Variants in KHDRBS2 observed in about 807,000 individuals in gnomAD.
The protein encoded by KHDRBS2 is KH RNA binding domain containing, signal transduction associated 2.
A neutral mutation model predicts 44.3 loss-of-function variants in KHDRBS2; 26 were observed. That is an observed-to-expected ratio of 0.59 (90% CI 0.43 to 0.81). KHDRBS2 has a LOEUF of 0.81. Ranked by LOEUF, KHDRBS2 falls within the 40% of genes least tolerant of loss-of-function variation. The pLI is 0.00. For synonymous variants in KHDRBS2, 194 were observed against 151.1 expected, an observed-to-expected ratio of 1.28 and a Z score of -2.08; for missense variants, 476 against 433.1, an observed-to-expected ratio of 1.10 and a Z score of -0.88.
At chr6:61,781,031 A>G (rs977528187) in intron 6 of KHDRBS2, among the ~76,000 whole-genome samples, 17 of 152,220 alleles carry the variant, frequency 1.1e-4, no homozygotes, top group African/African-American at 3.1e-4. Context: ...TTAAAGTGAC[A>G]ATTATGTAAG....
At chr6:61,573,496 A>G in the KHDRBS2 span, among the ~76,000 whole-genome samples, 1 of 152,190 alleles carries the variant, frequency 6.6e-6, no homozygotes, top group African/African-American at 2.4e-5. Context: ...ATATGGAACC[A>G]TAAAAGAGCC....
In KHDRBS2 at chr6:62,166,106, G is replaced by A. The variant is rs146985975; in HGVS notation, c.219+11079C>T. ...TTTTATTTAGCATAATGTGTTCAATGTTCATCTATGTCGTAGAATGTAATA... is the reference window on the plus strand; with the variant it reads ...TTTTATTTAGCATAATGTGTTCAATATTCATCTATGTCGTAGAATGTAATA... On this transcript the variant is annotated intron_variant, in intron 2 of 8. Transcript: ENST00000281156. Among the ~76,000 whole-genome samples, 1,010 of 152,012 alleles carry A rather than the reference G, an allele frequency of 6.6e-3. 5 individuals carry two copies. The highest frequency in any genetic ancestry group is 0.01 in the Non-Finnish European group (713 of 67,926).
intron 4 of KHDRBS2, among the ~76,000 whole-genome samples, chr6:61,951,738 G>A (rs1764791670): frequency 6.6e-6 from 1 of 152,044 alleles, no homozygotes; most frequent in African/African-American, 2.4e-5. Flanking sequence ...GCCATAAAGT[G>A]ACCTTGACAG....
chr6:62,008,629 T>C (rs1291257745), intron 3 of KHDRBS2, among the ~76,000 whole-genome samples: 1 of 152,168 alleles, frequency 6.6e-6, no homozygotes, highest in East Asian at 1.9e-4. Context: ...ATCTCATCTT[T>C]TAGCTCCCAT....
the KHDRBS2 span, among the ~76,000 whole-genome samples, chr6:61,603,267 C>T: frequency 2.0e-5 from 3 of 152,162 alleles, no homozygotes; most frequent in African/African-American, 7.2e-5. Context: ...ATTGTCTTGC[C>T]TATCCACCAC....
intron 3 of KHDRBS2, among the ~76,000 whole-genome samples, chr6:61,993,814 A>C (rs1776648013): frequency 6.6e-6 from 1 of 151,722 alleles, no homozygotes; most frequent in Non-Finnish European, 1.5e-5. Context: ...TCACCTATGA[A>C]GTTATTTAAA....
At position 62,139,210 on chromosome 6, in the gene KHDRBS2, T is replaced by C. The variant is rs555787014; in HGVS notation, c.219+37975A>G. Reference sequence around the variant, plus strand: ...ATGGAAAGACAAGAGAATAAATATATATATTACTTTGCAAAAAGAACTATT... The same window carrying C: ...ATGGAAAGACAAGAGAATAAATATACATATTACTTTGCAAAAAGAACTATT... On this transcript the variant is annotated intron_variant, in intron 2 of 8. Transcript: ENST00000281156. 1.3e-4 allele frequency among the ~76,000 whole-genome samples: 20 copies of C among 152,238 alleles called. No homozygotes were observed. The South Asian group carries it at 4.1e-3, about 32-fold the overall frequency.
At chr6:61,570,016 G>A in the KHDRBS2 span, among the ~76,000 whole-genome samples, 1 of 151,994 alleles carries the variant, frequency 6.6e-6, no homozygotes. Context: ...ACAAAACAGG[G>A]TTTTATAGCA....
the KHDRBS2 span, among the ~76,000 whole-genome samples, chr6:61,592,493 C>T: frequency 6.6e-6 from 1 of 152,034 alleles, no homozygotes; most frequent in Non-Finnish European, 1.5e-5. Context: ...GTTCATCTTT[C>T]CTAGATCTCG....
chr6:61,755,817 A>T (rs1562102085), intron 6 of KHDRBS2, among the ~76,000 whole-genome samples: 1 of 151,652 alleles, frequency 6.6e-6, no homozygotes, highest in African/African-American at 2.4e-5. Flanking sequence ...AAAAAAAAAA[A>T]TCATTGGATT....
chr6:62,081,258 A>T (rs1215219358), intron 2 of KHDRBS2, among the ~76,000 whole-genome samples: 1 of 152,192 alleles, frequency 6.6e-6, no homozygotes, highest in Admixed American at 6.5e-5. Flanking sequence ...CGGAAAATGA[A>T]TATAATAATG....
intron 3 of KHDRBS2, among the ~76,000 whole-genome samples, chr6:62,021,729 G>C (rs1347479632): frequency 1.3e-5 from 2 of 151,414 alleles, no homozygotes; most frequent in Non-Finnish European, 3.0e-5. Flanking sequence ...TTGAAATTTG[G>C]ATTTCTGAAT....
intron 4 of KHDRBS2, among the ~76,000 whole-genome samples, chr6:61,961,420 AAGAG>A (rs886704994): frequency 7.4e-5 from 11 of 149,508 alleles, no homozygotes; most frequent in African/African-American, 2.4e-4. Flanking sequence ...AGAAAGAAGG[AAGAG>A]AGAGAGAGAA....
At chr6:61,594,965 C>G in the KHDRBS2 span, among the ~76,000 whole-genome samples, 89,758 of 151,796 alleles carry the variant, frequency 0.59, 26,743 homozygotes, top group Non-Finnish European at 0.61. Flanking sequence ...AAAATCTTCA[C>G]CAAGAGAAGA....
At chr6:62,043,923 T>G (rs1277450848) in intron 3 of KHDRBS2, among the ~76,000 whole-genome samples, 5 of 152,088 alleles carry the variant, frequency 3.3e-5, no homozygotes, top group African/African-American at 1.2e-4. Flanking sequence ...TCCGAATGAC[T>G]GTTATTTTCT....
chr6:62,207,949 A>C (rs1367128671), intron 1 of KHDRBS2, among the ~76,000 whole-genome samples: 1 of 152,048 alleles, frequency 6.6e-6, no homozygotes, highest in Non-Finnish European at 1.5e-5. Flanking sequence ...CTCTAATACA[A>C]TTTTATTAGC....
intron 4 of KHDRBS2, among the ~76,000 whole-genome samples, chr6:61,939,857 A>T (rs941693743): frequency 4.6e-5 from 7 of 152,166 alleles, no homozygotes; most frequent in Non-Finnish European, 8.8e-5. Flanking sequence ...ATTTCCTATC[A>T]ATCAATTCAG....
intron 6 of KHDRBS2, among the ~76,000 whole-genome samples, chr6:61,738,193 G>T (rs185580935): frequency 4.7e-4 from 72 of 151,992 alleles, no homozygotes; most frequent in African/African-American, 1.7e-3. Flanking sequence ...TCCCAACGCA[G>T]AATTTCCTCA....
intron 1 of KHDRBS2, among the ~76,000 whole-genome samples, chr6:62,178,612 G>A (rs1341340849): frequency 5.9e-5 from 9 of 151,512 alleles, no homozygotes; most frequent in Non-Finnish European, 1.2e-4. Flanking sequence ...GGAATGAGAC[G>A]TTAAAAGACT....
Sources: allele counts gnomAD v4.1 joint callset (sites outside exome capture counted in the v4.1 genomes callset), GRCh38; gene constraint gnomAD v4.1.1; transcripts MANE v1.5; gene names NCBI Gene and HGNC (gene_info 2026-07-23, HGNC 2026-07-21).